The following KCNQ3 variants were observed in gnomAD, a reference collection of about 807,000 sequenced individuals.
The protein encoded by KCNQ3 is potassium voltage-gated channel subfamily KQT member 3.
Under a neutral mutation model 92.5 loss-of-function variants are expected in KCNQ3, and 30 were observed. The ratio of observed to expected loss-of-function variants is 0.32; its 90% CI spans 0.24 to 0.44. The LOEUF (loss-of-function observed/expected upper bound fraction) is 0.44, where lower values mean the gene tolerates loss of function less well. Among genes scored for constraint, KCNQ3 ranks in the 20% least tolerant of loss-of-function variants. The pLI is 1.00. For synonymous variants in KCNQ3, 450 were observed against 468.8 expected (o/e 0.96, Z 0.52); for missense variants, 913 against 1,140.3 (o/e 0.80, Z 2.87).
intron 1 of KCNQ3, among the ~76,000 whole-genome samples, chr8:132,436,852 C>A (rs988051113): frequency 6.6e-6 from 1 of 152,086 alleles, no homozygotes; most frequent in Non-Finnish European, 1.5e-5. Context: ...TGGAAGGGAC[C>A]TTTTGGGGGT....
intron 1 of KCNQ3, among the ~76,000 whole-genome samples, chr8:132,455,296 A>G (rs963905347): frequency 1.3e-5 from 2 of 152,148 alleles, no homozygotes; most frequent in African/African-American, 2.4e-5. Context: ...TAGTAGAGAC[A>G]GGGTTTCACC....
chr8:132,461,205 G>A (rs1299501089), intron 1 of KCNQ3, among the ~76,000 whole-genome samples: 1 of 152,156 alleles, frequency 6.6e-6, no homozygotes, highest in East Asian at 1.9e-4. Flanking sequence ...GAAGGTTTTT[G>A]TGTGGATATA....
At chr8:132,137,753 G>A in intron 12 of KCNQ3, 132 bp downstream of exon 12, 2 of 1,125,324 alleles carry the variant, frequency 1.8e-6, no homozygotes, top group South Asian at 1.3e-5. Flanking sequence ...ACATCCACAA[G>A]GCTTCGTGGA....
At position 132,455,295 on chromosome 8, in the gene KCNQ3, C is replaced by T. The variant is rs143098646; in HGVS notation, c.386+24852G>A. On this transcript the variant is annotated intron_variant, in intron 1 of 14. Transcript: ENST00000388996. ...CTAATATTTGTATACTTAGTAGAGA[C>T]AGGGTTTCACCATGTTGGCCAGGCT... is the stretch of plus-strand genomic sequence containing the variant. Among the ~76,000 whole-genome samples the T allele has an allele frequency of 8.4e-3, 1,284 of 152,206 alleles. 7 individuals carry two copies. Among genetic ancestry groups the T allele is most frequent in the Middle Eastern group, 0.014 (4 of 294 alleles).
At chr8:132,437,133 G>C (rs952869768) in intron 1 of KCNQ3, among the ~76,000 whole-genome samples, 6 of 151,758 alleles carry the variant, frequency 4.0e-5, no homozygotes, top group African/African-American at 9.7e-5. Flanking sequence ...CAAAAAATTA[G>C]CCGGGCGAGG....
chr8:132,203,232 AG>A (rs1382445080), intron 1 of KCNQ3, among the ~76,000 whole-genome samples: 5 of 152,136 alleles, frequency 3.3e-5, no homozygotes, highest in African/African-American at 9.7e-5. Flanking sequence ...TGCATCGGGG[AG>A]TAAGTTTCCA....
intron 13 of KCNQ3, 133 bp from the exon 14 acceptor site, chr8:132,132,397 A>C (rs755667539): frequency 4.1e-6 from 3 of 740,300 alleles, no homozygotes; most frequent in Non-Finnish European, 7.2e-6. Flanking sequence ...AAAGAGCACC[A>C]ATCAACTCTG....
At chr8:132,432,544 C>T (rs749898172) in intron 1 of KCNQ3, among the ~76,000 whole-genome samples, 9 of 152,170 alleles carry the variant, frequency 5.9e-5, no homozygotes, top group Non-Finnish European at 1.3e-4. Flanking sequence ...AACTCATCTC[C>T]TTCCTTAAGA....
At chr8:132,385,577 C>T (rs1819868851) in intron 1 of KCNQ3, among the ~76,000 whole-genome samples, 1 of 152,146 alleles carries the variant, frequency 6.6e-6, no homozygotes, top group African/African-American at 2.4e-5. Flanking sequence ...AAAGTGAGTT[C>T]TACCCCTTCT....
intron 1 of KCNQ3, among the ~76,000 whole-genome samples, chr8:132,216,277 G>A (rs1241048176): frequency 6.6e-6 from 1 of 152,224 alleles, no homozygotes; most frequent in African/African-American, 2.4e-5. Flanking sequence ...AAACCTCAGC[G>A]AAATGTGCTA....
chr8:132,412,188 T>A (rs1361183399), intron 1 of KCNQ3, among the ~76,000 whole-genome samples: 1 of 152,164 alleles, frequency 6.6e-6, no homozygotes, highest in Non-Finnish European at 1.5e-5. Flanking sequence ...GATTTGTGCT[T>A]TAAAATGGTG....
intron 9 of KCNQ3, among the ~76,000 whole-genome samples, chr8:132,161,744 G>T (rs1825997647): frequency 6.6e-6 from 1 of 152,168 alleles, no homozygotes; most frequent in Admixed American, 6.5e-5. Flanking sequence ...ATTGTAAGGT[G>T]GAAAATGCAT....
At chr8:132,136,767 A>G (rs2130936502) in intron 12 of KCNQ3, among the ~76,000 whole-genome samples, 1 of 152,102 alleles carries the variant, frequency 6.6e-6, no homozygotes, top group South Asian at 2.1e-4. Flanking sequence ...CGCATGTATT[A>G]TTGGTAATTA....
At chr8:132,346,484 G>A (rs1818692745) in intron 1 of KCNQ3, among the ~76,000 whole-genome samples, 1 of 152,184 alleles carries the variant, frequency 6.6e-6, no homozygotes, top group Non-Finnish European at 1.5e-5. Flanking sequence ...TGATAGGGAG[G>A]TGATGCTGTC....
At chr8:132,303,614 A>ATGTGGTG (rs1817305789) in intron 1 of KCNQ3, among the ~76,000 whole-genome samples, 1 of 11,186 alleles carries the variant, frequency 8.9e-5, no homozygotes, top group African/African-American at 6.3e-4. Context: ...GTGTATATAT[A>ATGTGGTG]TATATATATA....
intron 1 of KCNQ3, among the ~76,000 whole-genome samples, chr8:132,418,465 G>A (rs1820879756): frequency 6.6e-6 from 1 of 152,152 alleles, no homozygotes; most frequent in Non-Finnish European, 1.5e-5. Flanking sequence ...TCCCCACTCG[G>A]GTTTCACCCT....
chr8:132,290,066 C>T (rs938544209), intron 1 of KCNQ3, among the ~76,000 whole-genome samples: 3 of 152,172 alleles, frequency 2.0e-5, no homozygotes, highest in African/African-American at 7.2e-5. Flanking sequence ...CTGATATCCA[C>T]TAATGTAGAG....
intron 1 of KCNQ3, among the ~76,000 whole-genome samples, chr8:132,272,639 G>T (rs1447481620): frequency 6.6e-6 from 1 of 152,212 alleles, no homozygotes; most frequent in African/African-American, 2.4e-5. Context: ...GGCAAAGAGA[G>T]AGAGCTTGTG....
intron 1 of KCNQ3, among the ~76,000 whole-genome samples, chr8:132,256,289 T>C (rs1178084447): frequency 2.6e-5 from 4 of 151,918 alleles, no homozygotes; most frequent in Non-Finnish European, 4.4e-5. Flanking sequence ...GATAAGTCAA[T>C]TGAGATTATT....
Sources: allele counts gnomAD v4.1 joint callset (sites outside exome capture counted in the v4.1 genomes callset), GRCh38; gene constraint gnomAD v4.1.1; transcripts MANE v1.5; gene names NCBI Gene and HGNC (gene_info 2026-07-23, HGNC 2026-07-21).